The following CMTM8 variants were observed in gnomAD, a reference collection of about 807,000 sequenced individuals.
CMTM8 encodes CKLF-like MARVEL transmembrane domain-containing protein 8.
CMTM8 carries 12 observed loss-of-function variants against 18.6 expected under a neutral mutation model. That is an observed-to-expected ratio of 0.65 (90% confidence interval 0.41 to 1.05). The LOEUF (loss-of-function observed/expected upper bound fraction) is 1.05, where lower values mean the gene tolerates loss of function less well. Among genes scored for constraint, CMTM8 ranks in the 50% least tolerant of loss-of-function variants. The pLI, the probability that CMTM8 is intolerant of heterozygous loss-of-function variation, is 0.00. For synonymous variants in CMTM8, 87 were observed against 90.6 expected, an observed-to-expected ratio of 0.96 and a Z score of 0.23; for missense variants, 217 against 227.2, an observed-to-expected ratio of 0.95 and a Z score of 0.29.
At chr3:32,361,294 T>TTTG (rs1357488613) in intron 2 of CMTM8, among the ~76,000 whole-genome samples, 1 of 146,540 alleles carries the variant, frequency 6.8e-6, no homozygotes, top group Non-Finnish European at 1.5e-5. Context: ...GAGTTTTTTT[T>TTTG]TCTTTCAAAT....
At chr3:32,296,781 C>G (rs1559372769) in intron 1 of CMTM8, among the ~76,000 whole-genome samples, 2 of 152,314 alleles carry the variant, frequency 1.3e-5, no homozygotes, top group Middle Eastern at 6.8e-3. Context: ...CCTCCTGCCT[C>G]TCTCACCCAG....
intron 1 of CMTM8, among the ~76,000 whole-genome samples, chr3:32,309,886 T>G (rs924230194): frequency 6.6e-6 from 1 of 152,186 alleles, no homozygotes; most frequent in Non-Finnish European, 1.5e-5. Context: ...TCCTGAACTT[T>G]CGATGGGAAT....
At chr3:32,265,193 A>G (rs1165386949) in intron 1 of CMTM8, among the ~76,000 whole-genome samples, 2 of 152,214 alleles carry the variant, frequency 1.3e-5, no homozygotes, top group African/African-American at 2.4e-5. Flanking sequence ...AATTGACCAC[A>G]TAGTTGGAAG....
At chr3:32,259,781 G>A (rs1702230690) in intron 1 of CMTM8, 6 of 856,724 alleles carry the variant, frequency 7.0e-6, no homozygotes, top group Non-Finnish European at 1.2e-5. Flanking sequence ...CACCACAGTG[G>A]TCACCACACA....
At chr3:32,261,961 T>C (rs984381564) in intron 1 of CMTM8, among the ~76,000 whole-genome samples, 1 of 152,208 alleles carries the variant, frequency 6.6e-6, no homozygotes, top group Non-Finnish European at 1.5e-5. Context: ...GGATTTATTA[T>C]GCATCATTAG....
chr3:32,281,819 C>A (rs1702614319), intron 1 of CMTM8, among the ~76,000 whole-genome samples: 1 of 152,032 alleles, frequency 6.6e-6, no homozygotes, highest in Non-Finnish European at 1.5e-5. Flanking sequence ...ACACAGTTGA[C>A]CCCTCCCCTC....
chr3:32,361,173 G>T (rs1176228445), intron 2 of CMTM8, among the ~76,000 whole-genome samples: 1 of 152,090 alleles, frequency 6.6e-6, no homozygotes, highest in South Asian at 2.1e-4. Context: ...TAGAGACAGG[G>T]TTTCTCCATG....
chr3:32,264,715 T>C (rs1208470811), intron 1 of CMTM8, among the ~76,000 whole-genome samples: 1 of 152,044 alleles, frequency 6.6e-6, no homozygotes, highest in Admixed American at 6.6e-5. Context: ...CCATCTCACA[T>C]GCAGTGACAC....
rs186838369 is a variant in CMTM8, at chr3:32,321,611, T to C, written c.148-35762T>C. On this transcript the variant is annotated intron_variant, in intron 1 of 3. Coordinates refer to ENST00000307526, the MANE Select transcript of CMTM8 (RefSeq NM_178868.5). Reference sequence around the variant, plus strand: ...GCTGCCTGTTTTTAGATTTTCTTTTTTTAAAGACAGAGTCTTACTCCCATC... The same window carrying C: ...GCTGCCTGTTTTTAGATTTTCTTTTCTTAAAGACAGAGTCTTACTCCCATC... 2.6e-5 allele frequency among the ~76,000 whole-genome samples: 4 copies of C among 152,314 alleles called. No individual in the cohort carries two copies. In the East Asian group the frequency reaches 7.7e-4, roughly 29 times the overall value.
intron 1 of CMTM8, among the ~76,000 whole-genome samples, chr3:32,305,176 G>A (rs2125565476): frequency 6.6e-6 from 1 of 150,918 alleles, no homozygotes; most frequent in East Asian, 2.0e-4. Flanking sequence ...TAAGGCAGTG[G>A]TTCTCAGTCA....
At chr3:32,338,186 G>A (rs1036011355) in intron 1 of CMTM8, among the ~76,000 whole-genome samples, 13 of 152,026 alleles carry the variant, frequency 8.6e-5, no homozygotes, top group Non-Finnish European at 1.3e-4. Flanking sequence ...GTTTCACCAT[G>A]TTGGTTGGGA....
intron 1 of CMTM8, among the ~76,000 whole-genome samples, chr3:32,272,560 C>T (rs1434140574): frequency 6.6e-6 from 1 of 151,844 alleles, no homozygotes. Context: ...TTTATTAATT[C>T]TTTTTTTTAG....
chr3:32,290,882 G>A (rs1324824945), intron 1 of CMTM8, among the ~76,000 whole-genome samples: 2 of 152,192 alleles, frequency 1.3e-5, no homozygotes, highest in African/African-American at 4.8e-5. Flanking sequence ...AGCAGCTAGT[G>A]TGAAATGGTC....
intron 1 of CMTM8, among the ~76,000 whole-genome samples, chr3:32,336,212 C>T (rs1391271702): frequency 6.6e-6 from 1 of 152,228 alleles, no homozygotes; most frequent in Non-Finnish European, 1.5e-5. Context: ...TGATGTCCCT[C>T]CCTCCCCCAC....
intron 1 of CMTM8, among the ~76,000 whole-genome samples, chr3:32,319,075 T>TATATATATATATATATATATATATATA (rs1553605531): frequency 4.0e-5 from 1 of 25,250 alleles, no homozygotes; most frequent in African/African-American, 1.6e-4. Flanking sequence ...TATATATATA[T>TATATATATATATATATATATATATATA]TTTTTTTTTT....
intron 1 of CMTM8, among the ~76,000 whole-genome samples, chr3:32,311,267 C>T (rs1436222035): frequency 6.6e-6 from 1 of 152,208 alleles, no homozygotes; most frequent in East Asian, 1.9e-4. Context: ...ATATGCAATT[C>T]AAATTTCAGT....
intron 1 of CMTM8, among the ~76,000 whole-genome samples, chr3:32,249,643 C>T (rs1702088644): frequency 1.3e-5 from 2 of 152,108 alleles, no homozygotes; most frequent in Non-Finnish European, 2.9e-5. Context: ...TGATATTGAG[C>T]AATCTTCATG....
chr3:32,317,828 C>T (rs67468617), intron 1 of CMTM8, among the ~76,000 whole-genome samples: 27,797 of 151,800 alleles, frequency 0.18, 3,217 homozygotes, highest in African/African-American at 0.33. Context: ...AGCAGAGGCG[C>T]GCAGATCATG....
chr3:32,298,914 TAC>T (rs35844853), intron 1 of CMTM8, among the ~76,000 whole-genome samples: 44,511 of 131,114 alleles, frequency 0.34, 7,844 homozygotes, highest in Admixed American at 0.46. Flanking sequence ...CACACACACA[TAC>T]ACACACACAT....
Sources: gnomAD v4.1 joint callset for allele counts (sites outside exome capture counted in the v4.1 genomes callset) on GRCh38, gnomAD v4.1.1 for gene constraint, MANE v1.5 for transcripts, NCBI Gene and HGNC (gene_info 2026-07-23, HGNC 2026-07-21) for gene names.